Variants in GALNT1 observed in about 807,000 individuals in gnomAD.
GALNT1 encodes the protein polypeptide N-acetylgalactosaminyltransferase 1.
GALNT1 carries 17 observed loss-of-function variants against 65.7 expected under a neutral mutation model. The ratio of observed to expected loss-of-function variants is 0.26; its 90% CI spans 0.18 to 0.39. The LOEUF is 0.39. Ranked by LOEUF, GALNT1 falls within the 10% of genes least tolerant of loss-of-function variation. GALNT1 has a pLI of 1.00. For missense variants in GALNT1, 460 were observed against 672.8 expected, an observed-to-expected ratio of 0.68 and a Z score of 3.50; for synonymous variants, 210 against 219.7, an observed-to-expected ratio of 0.96 and a Z score of 0.39.
At chr18:35,694,871 A>G (rs1433258676) in intron 9 of GALNT1, among the ~76,000 whole-genome samples, 1 of 152,220 alleles carries the variant, frequency 6.6e-6, no homozygotes, top group Non-Finnish European at 1.5e-5. Context: ...ATGCTACAAC[A>G]TGGATGAACC....
chr18:35,679,857 C>CT (rs1001690681), intron 4 of GALNT1, among the ~76,000 whole-genome samples: 1 of 152,116 alleles, frequency 6.6e-6, no homozygotes, highest in Non-Finnish European at 1.5e-5. Flanking sequence ...TTTACATCTG[C>CT]TTTTTTTCCT....
At chr18:35,618,033 TTC>T (rs1187149643) in intron 1 of GALNT1, among the ~76,000 whole-genome samples, 27 of 148,184 alleles carry the variant, frequency 1.8e-4, no homozygotes, top group African/African-American at 6.7e-4. Flanking sequence ...TGCTTTGCTG[TTC>T]TTTTTTTTTT....
At chr18:35,703,052 C>CT (rs34294638) in intron 10 of GALNT1, 57 bp downstream of exon 10, 79,676 of 997,038 alleles carry the variant, frequency 0.08, 3,778 homozygotes, top group Admixed American at 0.19. Context: ...TTTACTTTGC[C>CT]TTTTTTTTAT....
chr18:35,626,672 T>C lies in GALNT1; in HGVS notation c.-103-27888T>C, dbSNP rs145821712. ...GACATTGGGAGGTCTGGTCTTAGGG[T>C]TGGTCTGGCTCCATGAAATCATGAG... On this transcript the variant is annotated intron_variant, in intron 1 of 11. Coordinates refer to ENST00000269195, the MANE Select transcript of GALNT1 (RefSeq NM_020474.4). Among the ~76,000 whole-genome samples, 432 of 152,256 alleles carry C rather than the reference T, an allele frequency of 2.8e-3. 1 individual carries two copies. The highest frequency in any genetic ancestry group is 9.6e-3 in the African/African-American group (400 of 41,530).
chr18:35,585,265 T>C (rs533489902), intron 1 of GALNT1, among the ~76,000 whole-genome samples: 1 of 152,330 alleles, frequency 6.6e-6, no homozygotes, highest in Non-Finnish European at 1.5e-5. Flanking sequence ...TTTGCTTATT[T>C]CTGGCTCTGT....
intron 7 of GALNT1, among the ~76,000 whole-genome samples, chr18:35,690,053 C>T (rs2047933799): frequency 6.6e-6 from 1 of 152,116 alleles, no homozygotes; most frequent in Non-Finnish European, 1.5e-5. Context: ...AAGGTAGGAA[C>T]ACTGAATATT....
At chr18:35,607,282 A>T (rs1208828171) in intron 1 of GALNT1, among the ~76,000 whole-genome samples, 1 of 152,112 alleles carries the variant, frequency 6.6e-6, no homozygotes, top group Non-Finnish European at 1.5e-5. Flanking sequence ...ATGAAAAGAG[A>T]AGAGGCTCTT....
At position 35,702,894 on chromosome 18, in the gene GALNT1, T is replaced by C; in HGVS notation, c.1300-3T>C. On this transcript the variant is annotated splice_polypyrimidine_tract_variant and splice_region_variant and intron_variant, in intron 9 of 11. Coordinates refer to ENST00000269195, the MANE Select transcript of GALNT1 (RefSeq NM_020474.4). ...GATATTTTCATTATTTATTGTCCCA[T>C]AGATACGAAATGTGGAAACGAATCA... 1.3e-6 allele frequency: 2 copies of C among 1,582,258 alleles called. No individual in the cohort carries two copies. Among genetic ancestry groups the C allele is most frequent in the Middle Eastern group, 1.7e-4 (1 of 5,938 alleles).
intron 1 of GALNT1, among the ~76,000 whole-genome samples, chr18:35,601,121 T>TACTA (rs1395625832): frequency 6.6e-6 from 1 of 152,090 alleles, no homozygotes; most frequent in East Asian, 1.9e-4. Flanking sequence ...TTAATCTTGT[T>TACTA]ACTTTTGATT....
intron 1 of GALNT1, among the ~76,000 whole-genome samples, chr18:35,607,457 C>T (rs189557923): frequency 6.6e-6 from 1 of 152,204 alleles, no homozygotes; most frequent in African/African-American, 2.4e-5. Flanking sequence ...GGGTTCCTTG[C>T]ATGCATGCTG....
chr18:35,667,144 C>G (rs2047561524), intron 3 of GALNT1, among the ~76,000 whole-genome samples: 1 of 152,140 alleles, frequency 6.6e-6, no homozygotes, highest in South Asian at 2.1e-4. Context: ...TCTTTGTAGT[C>G]TCCATCTTGC....
At chr18:35,586,068 A>G (rs1279269425) in intron 1 of GALNT1, among the ~76,000 whole-genome samples, 1 of 152,174 alleles carries the variant, frequency 6.6e-6, no homozygotes, top group African/African-American at 2.4e-5. Flanking sequence ...ATGTTCTAGC[A>G]TGGCTGGAAC....
chr18:35,634,317 T>C (rs891550484), intron 1 of GALNT1, among the ~76,000 whole-genome samples: 1 of 152,198 alleles, frequency 6.6e-6, no homozygotes, highest in African/African-American at 2.4e-5. Flanking sequence ...TTTGAACTCA[T>C]TTGAATTTCA....
At chr18:35,627,069 G>A (rs574785037) in intron 1 of GALNT1, among the ~76,000 whole-genome samples, 1 of 152,318 alleles carries the variant, frequency 6.6e-6, no homozygotes, top group Non-Finnish European at 1.5e-5. Flanking sequence ...AAAATGTCAA[G>A]GTTGGATAAG....
At chr18:35,584,777 C>G (rs1380455513) in intron 1 of GALNT1, among the ~76,000 whole-genome samples, 1 of 152,112 alleles carries the variant, frequency 6.6e-6, no homozygotes, top group Non-Finnish European at 1.5e-5. Context: ...TAGTGTTTGC[C>G]CTATGAGAAT....
chr18:35,677,943 A>G (rs964863878), intron 4 of GALNT1, among the ~76,000 whole-genome samples, 186 bp downstream of exon 4: 4 of 152,202 alleles, frequency 2.6e-5, no homozygotes, highest in Admixed American at 2.6e-4. Context: ...TATTACTTTA[A>G]TTAGTAATTA....
intron 2 of GALNT1, among the ~76,000 whole-genome samples, chr18:35,660,780 T>C (rs1184708121): frequency 6.6e-6 from 1 of 152,212 alleles, no homozygotes; most frequent in African/African-American, 2.4e-5. Context: ...ATTAGTTTAA[T>C]AGTCCATTTA....
At chr18:35,633,808 A>G (rs1295663242) in intron 1 of GALNT1, among the ~76,000 whole-genome samples, 1 of 152,226 alleles carries the variant, frequency 6.6e-6, no homozygotes, top group Non-Finnish European at 1.5e-5. Flanking sequence ...GCATAGTCCC[A>G]ATACTAATTA....
At chr18:35,679,663 CTCAAA>C (rs1252413825) in intron 4 of GALNT1, among the ~76,000 whole-genome samples, 1 of 152,156 alleles carries the variant, frequency 6.6e-6, no homozygotes, top group Non-Finnish European at 1.5e-5. Flanking sequence ...CCTTGGAAGC[CTCAAA>C]TATCCGGGTT....
Sources: allele counts gnomAD v4.1 joint callset (sites outside exome capture counted in the v4.1 genomes callset), GRCh38; gene constraint gnomAD v4.1.1; transcripts MANE v1.5; gene names NCBI Gene and HGNC (gene_info 2026-07-23, HGNC 2026-07-21).